LRRC3B: variants seen among roughly 807,000 people sequenced by gnomAD.
LRRC3B encodes the protein leucine-rich repeat-containing protein 3B.
LRRC3B carries 2 observed loss-of-function variants against 12.8 expected under a neutral mutation model. The observed-to-expected ratio is 0.16, with a 90% confidence interval of 0.06 to 0.49. LRRC3B has a LOEUF of 0.49. Ranked by LOEUF, LRRC3B falls within the 20% of genes least tolerant of loss-of-function variation. The probability of loss-of-function intolerance (pLI) is 0.96; values close to 1 mark genes in which losing one functional copy is unlikely to be tolerated. For missense variants in LRRC3B, 189 were observed against 319.4 expected (o/e 0.59, Z 3.11); for synonymous variants, 132 against 122.0 (o/e 1.08, Z -0.54).
At chr3:26,647,122 T>G (rs1306747764) in intron 1 of LRRC3B, among the ~76,000 whole-genome samples, 1 of 152,128 alleles carries the variant, frequency 6.6e-6, no homozygotes, top group Non-Finnish European at 1.5e-5. Context: ...TCCTTCTACT[T>G]GATGCATTCC....
intron 1 of LRRC3B, among the ~76,000 whole-genome samples, chr3:26,707,378 T>C (rs2125465337): frequency 6.6e-6 from 1 of 151,866 alleles, no homozygotes; most frequent in East Asian, 1.9e-4. Context: ...AAAATAAAAA[T>C]AAAATAATAA....
At chr3:26,629,320 C>G (rs1463184508) in intron 1 of LRRC3B, among the ~76,000 whole-genome samples, 1 of 151,914 alleles carries the variant, frequency 6.6e-6, no homozygotes, top group Non-Finnish European at 1.5e-5. Context: ...CAGTAACTTA[C>G]TGGGAGAGAC....
At chr3:26,673,592 A>C (rs1283457605) in intron 1 of LRRC3B, among the ~76,000 whole-genome samples, 2 of 152,184 alleles carry the variant, frequency 1.3e-5, no homozygotes, top group East Asian at 3.9e-4. Context: ...AGAGAAGAGA[A>C]TATTCCAGTG....
At position 26,636,840 on chromosome 3, in the gene LRRC3B, G is replaced by GCCTCCCTC. The variant is rs1301182993; in HGVS notation, c.-161+13623_-161+13630dup. Among the ~76,000 whole-genome samples the GCCTCCCTC allele has an allele frequency of 3.0e-4, 13 of 43,106 alleles. 1 individual carries two copies. The South Asian group carries it at 3.5e-3, about 11-fold the overall frequency. The allele number at this position is 43,106 out of a possible 152,430, so 28.3% of individuals were successfully genotyped here. A position where few individuals can be genotyped will look rare whatever the true frequency, so the allele number is the denominator to read the frequency against. On this transcript the variant is annotated intron_variant, in intron 1 of 1. Coordinates refer to ENST00000396641, the Ensembl canonical transcript of LRRC3B. ...TCCCTCCCTCCCTCCCTCCCTCCCT[G>GCCTCCCTC]CCTCCCTCCCTCCCTCCCTCCCTCC...
intron 1 of LRRC3B, among the ~76,000 whole-genome samples, chr3:26,656,456 T>C (rs1169525435): frequency 2.6e-5 from 4 of 152,170 alleles, no homozygotes; most frequent in Non-Finnish European, 5.9e-5. Context: ...TTGCCACTGT[T>C]ATCTCTGTTA....
chr3:26,662,507 C>A (rs1323450582), intron 1 of LRRC3B, among the ~76,000 whole-genome samples: 4 of 152,034 alleles, frequency 2.6e-5, no homozygotes, highest in Non-Finnish European at 2.9e-5. Context: ...ATCTCTCTAC[C>A]GCTAAAACTA....
chr3:26,643,270 G>A (rs1357922351), intron 1 of LRRC3B, among the ~76,000 whole-genome samples: 1 of 134,126 alleles, frequency 7.5e-6, no homozygotes, highest in Non-Finnish European at 1.6e-5. Context: ...GTGTGTGTGT[G>A]TGTGTGTATA....
chr3:26,661,303 CT>C (rs1699487118), intron 1 of LRRC3B, among the ~76,000 whole-genome samples: 1 of 152,200 alleles, frequency 6.6e-6, no homozygotes, highest in Non-Finnish European at 1.5e-5. Context: ...AGTACCCATA[CT>C]TTATCCAAAG....
exon 2 of LRRC3B, chr3:26,709,739 C>G: frequency 6.2e-7 from 1 of 1,614,088 alleles, no homozygotes; most frequent in Non-Finnish European, 8.5e-7. Flanking sequence ...AAGTTTTGTT[C>G]TTATGATACT....
chr3:26,636,404 C>G (rs1320594936), intron 1 of LRRC3B, among the ~76,000 whole-genome samples: 5 of 152,128 alleles, frequency 3.3e-5, no homozygotes, highest in Non-Finnish European at 5.9e-5. Context: ...GAGGAGTATA[C>G]TCCATGGCTT....
intron 1 of LRRC3B, among the ~76,000 whole-genome samples, chr3:26,708,307 G>T (rs1437059691): frequency 6.6e-6 from 1 of 152,168 alleles, no homozygotes; most frequent in Non-Finnish European, 1.5e-5. Context: ...CCTCAACTTG[G>T]AACAGTATTC....
At chr3:26,709,819 C>T in exon 2 of LRRC3B, 1 of 1,614,104 alleles carries the variant, frequency 6.2e-7, no homozygotes, top group Middle Eastern at 1.6e-4. Context: ...TAAATGTCAC[C>T]TGTAGCAATG....
intron 1 of LRRC3B, among the ~76,000 whole-genome samples, chr3:26,676,587 C>T (rs1699865775): frequency 6.6e-6 from 1 of 152,122 alleles, no homozygotes; most frequent in African/African-American, 2.4e-5. Flanking sequence ...AGTCAGGAAA[C>T]AACAGGTGCT....
chr3:26,647,338 A>T (rs908358262), intron 1 of LRRC3B, among the ~76,000 whole-genome samples: 1 of 152,198 alleles, frequency 6.6e-6, no homozygotes, highest in East Asian at 1.9e-4. Flanking sequence ...CTCAACCCAG[A>T]GATCCTGGGA....
chr3:26,632,946 G>T (rs1698789323), intron 1 of LRRC3B, among the ~76,000 whole-genome samples: 1 of 152,084 alleles, frequency 6.6e-6, no homozygotes, highest in Non-Finnish European at 1.5e-5. Context: ...TTGGCATCAT[G>T]AAATCAGCCA....
chr3:26,629,987 A>G (rs565737503), intron 1 of LRRC3B, among the ~76,000 whole-genome samples: 1,798 of 151,890 alleles, frequency 0.012, 35 homozygotes, highest in African/African-American at 0.04. Context: ...AAAAAAAAAA[A>G]AAAATCTATC....
chr3:26,644,128 G>A (rs1421893528), intron 1 of LRRC3B, among the ~76,000 whole-genome samples: 1 of 152,162 alleles, frequency 6.6e-6, no homozygotes, highest in Non-Finnish European at 1.5e-5. Flanking sequence ...TATTTCTTAG[G>A]ATGAGGAATC....
At chr3:26,674,634 C>T (rs1259875303) in intron 1 of LRRC3B, among the ~76,000 whole-genome samples, 1 of 152,172 alleles carries the variant, frequency 6.6e-6, no homozygotes, top group Non-Finnish European at 1.5e-5. Context: ...GCACCAAACA[C>T]AGGGTTTGAT....
At position 26,702,889 on chromosome 3, in the gene LRRC3B, C is replaced by T. The variant is rs989834920; in HGVS notation, c.-160-6624C>T. ...AAGACAGGGTGGTCTACAGTGGAGG[C>T]GGGAGTCATTGGGTAAAGCTGAGGG... On this transcript the variant is annotated intron_variant, in intron 1 of 1. Coordinates refer to ENST00000396641, the Ensembl canonical transcript of LRRC3B. Among the ~76,000 whole-genome samples, 8 of 151,976 alleles carry T rather than the reference C, an allele frequency of 5.3e-5. No homozygotes were observed. In the South Asian group the frequency reaches 6.2e-4, roughly 12 times the overall value.
Sources: allele counts gnomAD v4.1 joint callset (sites outside exome capture counted in the v4.1 genomes callset), GRCh38; gene constraint gnomAD v4.1.1; transcripts MANE v1.5; gene names NCBI Gene and HGNC (gene_info 2026-07-23, HGNC 2026-07-21).